Variants in CRACD observed in about 807,000 individuals in gnomAD.
The protein encoded by CRACD is capping protein inhibiting regulator of actin dynamics.
CRACD carries 56 observed loss-of-function variants against 106.8 expected under a neutral mutation model. The observed-to-expected ratio is 0.52, with a 90% confidence interval of 0.42 to 0.66. The LOEUF is 0.66. CRACD is among the 30% of genes least tolerant of loss of function. CRACD has a pLI of 0.00. For missense variants in CRACD, 1,730 were observed against 1,623.2 expected (o/e 1.07, Z -1.13); for synonymous variants, 754 against 670.8 (o/e 1.12, Z -1.92).
intron 2 of CRACD, among the ~76,000 whole-genome samples, chr4:56,222,206 C>T (rs1308331616): frequency 2.0e-5 from 3 of 152,168 alleles, no homozygotes; most frequent in Non-Finnish European, 2.9e-5. Flanking sequence ...GAATACTACT[C>T]AGCCATAAAA....
At chr4:56,226,557 G>A (rs753256) in intron 2 of CRACD, among the ~76,000 whole-genome samples, 1 of 152,102 alleles carries the variant, frequency 6.6e-6, no homozygotes, top group Non-Finnish European at 1.5e-5. Context: ...ATGCTCTGTT[G>A]CTAAGAGAAA....
intron 1 of CRACD, among the ~76,000 whole-genome samples, chr4:56,114,197 G>A (rs1300350913): frequency 6.6e-6 from 1 of 150,938 alleles, no homozygotes; most frequent in Non-Finnish European, 1.5e-5. Flanking sequence ...TGTAGGCCCG[G>A]TTCTTACGCT....
intron 2 of CRACD, among the ~76,000 whole-genome samples, chr4:56,272,108 C>T (rs1742386889): frequency 6.6e-6 from 1 of 152,230 alleles, no homozygotes; most frequent in Admixed American, 6.5e-5. Flanking sequence ...GACGATTCAC[C>T]ATGCCTTTGG....
intron 1 of CRACD, among the ~76,000 whole-genome samples, chr4:56,117,291 G>A (rs1363587650): frequency 6.6e-6 from 1 of 152,132 alleles, no homozygotes; most frequent in African/African-American, 2.4e-5. Context: ...AAAGTGCTGG[G>A]ATTACAGGCT....
chr4:56,312,668 A>G (rs372602848), intron 6 of CRACD, among the ~76,000 whole-genome samples: 2 of 152,186 alleles, frequency 1.3e-5, no homozygotes, highest in East Asian at 3.9e-4. Context: ...GCTGAGGCAT[A>G]TATGCAGTGT....
intron 2 of CRACD, among the ~76,000 whole-genome samples, chr4:56,252,427 A>G (rs1741110156): frequency 6.6e-6 from 1 of 152,218 alleles, no homozygotes; most frequent in Non-Finnish European, 1.5e-5. Context: ...TGTGAAAAGC[A>G]GCATACTCTC....
chr4:56,056,927 A>G (rs1369081060), intron 1 of CRACD, among the ~76,000 whole-genome samples: 1 of 152,162 alleles, frequency 6.6e-6, no homozygotes, highest in African/African-American at 2.4e-5. Context: ...CTTTTAAAAA[A>G]CCAACATACT....
intron 3 of CRACD, among the ~76,000 whole-genome samples, chr4:56,284,157 C>A (rs534903145): frequency 5.3e-5 from 8 of 151,894 alleles, no homozygotes; most frequent in Non-Finnish European, 1.0e-4. Flanking sequence ...ATTTTCTTAT[C>A]CTTTGAAAAT....
intron 1 of CRACD, among the ~76,000 whole-genome samples, chr4:56,080,249 G>A (rs1195085611): frequency 1.3e-5 from 2 of 151,990 alleles, no homozygotes; most frequent in Non-Finnish European, 2.9e-5. Flanking sequence ...AACTGTATGG[G>A]GTTATCTCAA....
At chr4:56,264,093 A>G (rs1214987763) in intron 2 of CRACD, among the ~76,000 whole-genome samples, 1 of 152,186 alleles carries the variant, frequency 6.6e-6, no homozygotes, top group African/African-American at 2.4e-5. Flanking sequence ...ACATGGCGGC[A>G]GGAGAGAGAG....
At chr4:56,256,943 C>G (rs1741391645) in intron 2 of CRACD, among the ~76,000 whole-genome samples, 1 of 152,072 alleles carries the variant, frequency 6.6e-6, no homozygotes, top group African/African-American at 2.4e-5. Flanking sequence ...GCACAACTGA[C>G]CAGCGTTAAC....
chr4:56,115,817 A>G (rs940073651), intron 1 of CRACD, among the ~76,000 whole-genome samples: 1 of 152,206 alleles, frequency 6.6e-6, no homozygotes, highest in Non-Finnish European at 1.5e-5. Flanking sequence ...CATTTGTCAT[A>G]AATGTAGCTA....
Position 56,328,962 on chromosome 4 carries a change from C to G in CRACD, c.*1158C>G, listed in dbSNP as rs1167002182. Among the ~76,000 whole-genome samples, 1 of 152,146 alleles carries G rather than the reference C, an allele frequency of 6.6e-6. No homozygotes were observed. The highest frequency in any genetic ancestry group is 1.5e-5 in the Non-Finnish European group (1 of 68,008). Reference sequence around the variant, plus strand: ...TTGGAGCCTTTGTAATAAGGACTTCCTGCAGAAAGTCTTTTCTTTACTATA... The same window carrying G: ...TTGGAGCCTTTGTAATAAGGACTTCGTGCAGAAAGTCTTTTCTTTACTATA... On this transcript the variant is annotated 3_prime_UTR_variant, in exon 11 of 11. Coordinates refer to ENST00000682029, the MANE Select transcript of CRACD (RefSeq NM_001393381.1).
intron 1 of CRACD, among the ~76,000 whole-genome samples, chr4:56,053,424 G>A (rs116693777): frequency 0.023 from 3,559 of 152,116 alleles, 60 homozygotes; most frequent in Admixed American, 0.058. Context: ...ACATTGTCAG[G>A]AAGAATTAAG....
chr4:56,128,649 T>C (rs1453458381), intron 1 of CRACD, among the ~76,000 whole-genome samples: 1 of 152,134 alleles, frequency 6.6e-6, no homozygotes, highest in Non-Finnish European at 1.5e-5. Context: ...GCTTAAGAAG[T>C]TTCTGTACGT....
At chr4:56,077,943 A>C (rs6554328) in intron 1 of CRACD, among the ~76,000 whole-genome samples, 5 of 151,974 alleles carry the variant, frequency 3.3e-5, no homozygotes, top group African/African-American at 1.2e-4. Context: ...TTTGAAAGGA[A>C]TGCAGGAATT....
chr4:56,190,029 C>T (rs1397298427), intron 2 of CRACD, among the ~76,000 whole-genome samples: 2 of 136,180 alleles, frequency 1.5e-5, no homozygotes, highest in Admixed American at 1.7e-4. Context: ...TCCATGTGTT[C>T]TCATTGTTCA....
chr4:56,323,666 A>G (rs1746250034), intron 9 of CRACD, 99 bp downstream of exon 9: 4 of 1,187,602 alleles, frequency 3.4e-6, no homozygotes, highest in South Asian at 3.4e-5. Flanking sequence ...GGCTGGTGGA[A>G]AGTACTTAGA....
intron 1 of CRACD, among the ~76,000 whole-genome samples, chr4:56,147,395 A>G (rs1735424443): frequency 6.6e-6 from 1 of 152,160 alleles, no homozygotes; most frequent in African/African-American, 2.4e-5. Context: ...GAAACCCTGT[A>G]CCTATTAGCA....
Sources: allele counts gnomAD v4.1 joint callset (sites outside exome capture counted in the v4.1 genomes callset), GRCh38; gene constraint gnomAD v4.1.1; transcripts MANE v1.5; gene names NCBI Gene and HGNC (gene_info 2026-07-23, HGNC 2026-07-21).